Variants in LRRTM3 observed in about 807,000 individuals in gnomAD.
LRRTM3 encodes the protein leucine rich repeat transmembrane neuronal 3.
LRRTM3 carries 24 observed loss-of-function variants against 44.7 expected under a neutral mutation model. That is an observed-to-expected ratio of 0.54 (90% CI 0.39 to 0.76). The LOEUF is 0.76. Among genes scored for constraint, LRRTM3 ranks in the 30% least tolerant of loss-of-function variants. LRRTM3 has a pLI of 0.00. For synonymous variants in LRRTM3, 277 were observed against 278.7 expected (o/e 0.99, Z 0.06); for missense variants, 587 against 702.2 (o/e 0.84, Z 1.85).
chr10:66,959,690 C>T (rs1849012602), intron 2 of LRRTM3, among the ~76,000 whole-genome samples: 1 of 152,206 alleles, frequency 6.6e-6, no homozygotes, highest in African/African-American at 2.4e-5. Flanking sequence ...ACTGAACTTA[C>T]TTGTCCCTCA....
At chr10:67,019,826 C>T (rs543398156) in intron 2 of LRRTM3, among the ~76,000 whole-genome samples, 3 of 152,124 alleles carry the variant, frequency 2.0e-5, no homozygotes, top group East Asian at 1.9e-4. Flanking sequence ...AAATTCTAAG[C>T]GTCCGTTTAT....
At chr10:66,935,825 T>C (rs1847665098) in intron 2 of LRRTM3, among the ~76,000 whole-genome samples, 1 of 152,038 alleles carries the variant, frequency 6.6e-6, no homozygotes, top group Non-Finnish European at 1.5e-5. Context: ...ATATTGAGTC[T>C]GTCTTCCTGT....
chr10:67,052,178 C>T (rs908745521), intron 2 of LRRTM3, among the ~76,000 whole-genome samples: 1 of 152,174 alleles, frequency 6.6e-6, no homozygotes, highest in Non-Finnish European at 1.5e-5. Context: ...GGTCCTCTAC[C>T]TTATCTGTGG....
chr10:67,024,306 CT>C (rs1853216706), intron 2 of LRRTM3, among the ~76,000 whole-genome samples: 1 of 152,178 alleles, frequency 6.6e-6, no homozygotes, highest in South Asian at 2.1e-4. Context: ...CTGCTTCTGT[CT>C]TTATATTTTT....
intron 2 of LRRTM3, among the ~76,000 whole-genome samples, chr10:67,060,666 GTCTCTCTC>G (rs141445121): frequency 2.9e-3 from 433 of 150,510 alleles, no homozygotes; most frequent in Middle Eastern, 0.021. Flanking sequence ...ATGGGTTCCT[GTCTCTCTC>G]TCTCTCTCTT....
intron 2 of LRRTM3, among the ~76,000 whole-genome samples, chr10:67,029,109 T>C (rs1198295333): frequency 6.6e-6 from 1 of 152,224 alleles, no homozygotes; most frequent in African/African-American, 2.4e-5. Flanking sequence ...TGCTGATCTT[T>C]CTTTATGTCT....
intron 2 of LRRTM3, among the ~76,000 whole-genome samples, chr10:67,075,060 G>A (rs1856676675): frequency 6.6e-6 from 1 of 151,846 alleles, no homozygotes; most frequent in African/African-American, 2.4e-5. Context: ...CAGTAAGTTT[G>A]TTTCCTAGAG....
chr10:66,957,392 A>ATG (rs1848850755), intron 2 of LRRTM3, among the ~76,000 whole-genome samples: 1 of 89,468 alleles, frequency 1.1e-5, no homozygotes, highest in African/African-American at 6.0e-5. Context: ...GTATATATAT[A>ATG]CATATATATA....
chr10:66,939,665 C>T (rs1847894123), intron 2 of LRRTM3, among the ~76,000 whole-genome samples: 1 of 152,188 alleles, frequency 6.6e-6, no homozygotes, highest in Admixed American at 6.5e-5. Flanking sequence ...TATCCCTTTT[C>T]ATGTGAAGTA....
chr10:67,071,453 C>A (rs1856455532), intron 2 of LRRTM3, among the ~76,000 whole-genome samples: 1 of 151,160 alleles, frequency 6.6e-6, no homozygotes, highest in African/African-American at 2.4e-5. Context: ...TTTATCTTCT[C>A]ACTTCTTTTG....
chr10:66,975,195 A>G (rs966523396), intron 2 of LRRTM3, among the ~76,000 whole-genome samples: 3 of 152,208 alleles, frequency 2.0e-5, no homozygotes, highest in African/African-American at 7.2e-5. Context: ...AGCTAGCTCA[A>G]TAACTGATTT....
At chr10:66,987,063 G>T (rs951833400) in intron 2 of LRRTM3, among the ~76,000 whole-genome samples, 4 of 152,140 alleles carry the variant, frequency 2.6e-5, no homozygotes, top group African/African-American at 9.7e-5. Flanking sequence ...AGAAAGAATA[G>T]CAAGTGCAAA....
chr10:66,966,945 G>T (rs899959705), intron 2 of LRRTM3, among the ~76,000 whole-genome samples: 12 of 151,970 alleles, frequency 7.9e-5, no homozygotes, highest in Non-Finnish European at 1.2e-4. Context: ...AATTAGAAGA[G>T]AAATTTTTTG....
intron 2 of LRRTM3, among the ~76,000 whole-genome samples, chr10:67,015,717 T>G (rs909045580): frequency 2.0e-5 from 3 of 151,666 alleles, no homozygotes; most frequent in Admixed American, 6.6e-5. Context: ...TTTCTTCTTT[T>G]TATTTTTTAT....
intron 2 of LRRTM3, among the ~76,000 whole-genome samples, chr10:67,019,194 C>T (rs1311006175): frequency 6.6e-6 from 1 of 152,000 alleles, no homozygotes; most frequent in Non-Finnish European, 1.5e-5. Flanking sequence ...ACCATTCTTG[C>T]CACTTTTCTT....
chr10:66,966,803 A>G (rs973207303), intron 2 of LRRTM3, among the ~76,000 whole-genome samples: 11 of 152,058 alleles, frequency 7.2e-5, no homozygotes, highest in African/African-American at 2.2e-4. Flanking sequence ...AACAACATGA[A>G]TCAGTGTGCT....
intron 2 of LRRTM3, among the ~76,000 whole-genome samples, chr10:66,958,296 C>G (rs1165018586): frequency 7.3e-6 from 1 of 136,528 alleles, no homozygotes; most frequent in Non-Finnish European, 1.5e-5. Context: ...TTTTCCTCCA[C>G]CTGCTTTCTT....
intron 2 of LRRTM3, among the ~76,000 whole-genome samples, chr10:66,929,894 A>C (rs575519873): frequency 9.2e-5 from 14 of 152,230 alleles, no homozygotes; most frequent in Admixed American, 1.3e-4. Flanking sequence ...TTCATCCTCC[A>C]AAATGAACAG....
chr10:67,015,290 C>T (rs1057227787), intron 2 of LRRTM3: 5 of 152,002 alleles, frequency 3.3e-5, no homozygotes, highest in African/African-American at 1.2e-4. Flanking sequence ...TGATGCTAAC[C>T]ATCTTAAATC....
Sources: allele counts gnomAD v4.1 joint callset (sites outside exome capture counted in the v4.1 genomes callset), GRCh38; gene constraint gnomAD v4.1.1; transcripts MANE v1.5; gene names NCBI Gene and HGNC (gene_info 2026-07-23, HGNC 2026-07-21).